SNAP25: variants seen among roughly 807,000 people sequenced by gnomAD.
SNAP25 encodes synaptosome associated protein 25.
A neutral mutation model predicts 28.7 loss-of-function variants in SNAP25; 3 were observed. The ratio of observed to expected loss-of-function variants is 0.10; its 90% confidence interval spans 0.05 to 0.27. The LOEUF (loss-of-function observed/expected upper bound fraction) is 0.27, where lower values mean the gene tolerates loss of function less well. Among genes scored for constraint, SNAP25 ranks in the 10% least tolerant of loss-of-function variants. SNAP25 has a pLI of 1.00. For missense variants in SNAP25, 117 were observed against 278.7 expected (o/e 0.42, Z 4.13); for synonymous variants, 61 against 88.1 (o/e 0.69, Z 1.72).
chr20:10,293,354 A>T lies in SNAP25; in HGVS notation c.281+76A>T. ...AAGCCTTGACAAGCTCATTCCTGCC[A>T]AGCTCATAGGCAGGATGAGCATGTG... On this transcript the variant is annotated intron_variant, in intron 5 of 7. Transcript: ENST00000254976. The surrounding 1 kb of genome is among the most constrained non-coding windows in gnomAD (Gnocchi z 5.6). The T allele has an allele frequency of 9.0e-7, 1 of 1,107,280 alleles. No individual in the cohort carries two copies. Among genetic ancestry groups the T allele is most frequent in the Non-Finnish European group, 1.4e-6 (1 of 723,242 alleles). The allele number at this position is 1,107,280 out of a possible 1,614,324, so 68.6% of individuals were successfully genotyped here. A position where few individuals can be genotyped will look rare whatever the true frequency, so the allele number is the denominator to read the frequency against.
intron 1 of SNAP25, among the ~76,000 whole-genome samples, chr20:10,223,777 C>T (rs1490474984): frequency 6.6e-6 from 1 of 152,154 alleles, no homozygotes. Flanking sequence ...ACAATAATAC[C>T]TACTCTTTCT....
chr20:10,302,733 T>C (rs1175295054), intron 7 of SNAP25, among the ~76,000 whole-genome samples: 1 of 151,322 alleles, frequency 6.6e-6, no homozygotes, highest in Non-Finnish European at 1.5e-5. Flanking sequence ...AGGGTGATCA[T>C]AGGGGCATTC....
chr20:10,300,835 T>G (rs543484860), intron 7 of SNAP25, among the ~76,000 whole-genome samples: 1 of 152,160 alleles, frequency 6.6e-6, no homozygotes, highest in Non-Finnish European at 1.5e-5. Flanking sequence ...TGATAAAGCT[T>G]TTAAAGCTGT....
intron 4 of SNAP25, among the ~76,000 whole-genome samples, chr20:10,285,640 A>C (rs926674431): frequency 6.6e-6 from 1 of 152,204 alleles, no homozygotes; most frequent in Non-Finnish European, 1.5e-5. Context: ...ATGTATTCAC[A>C]ACACAGGAAA....
At chr20:10,240,787 C>A (rs2063013228) in intron 1 of SNAP25, among the ~76,000 whole-genome samples, 1 of 152,186 alleles carries the variant, frequency 6.6e-6, no homozygotes, top group Admixed American at 6.5e-5. Context: ...ATGATTGCCT[C>A]AATCTACAAT....
chr20:10,299,228 T>C (rs1470912350), intron 6 of SNAP25, 40 bp from the exon 7 acceptor site: 1 of 1,607,354 alleles, frequency 6.2e-7, no homozygotes, highest in South Asian at 1.1e-5. Context: ...CAATATGTTT[T>C]CCACCCTCTG....
chr20:10,241,547 G>C (rs2063033531), intron 1 of SNAP25, among the ~76,000 whole-genome samples: 1 of 152,104 alleles, frequency 6.6e-6, no homozygotes, highest in South Asian at 2.1e-4. Flanking sequence ...AATATCAGAT[G>C]GGGATGGTGG....
chr20:10,272,903 TC>T (rs146431917), intron 1 of SNAP25, among the ~76,000 whole-genome samples: 42 of 152,336 alleles, frequency 2.8e-4, no homozygotes, highest in Non-Finnish European at 4.6e-4. Context: ...ACCTGTTATC[TC>T]CAAAGAAGTT....
At chr20:10,253,779 G>A (rs2063271045) in intron 1 of SNAP25, among the ~76,000 whole-genome samples, 1 of 152,226 alleles carries the variant, frequency 6.6e-6, no homozygotes, top group African/African-American at 2.4e-5. Context: ...CTGTCTGGCA[G>A]TTGTAGATGT....
chr20:10,244,370 GC>G (rs1274384356), intron 1 of SNAP25, among the ~76,000 whole-genome samples: 1 of 152,196 alleles, frequency 6.6e-6, no homozygotes, highest in Non-Finnish European at 1.5e-5. Context: ...GAAACACTTA[GC>G]ACTTACTATA....
intron 1 of SNAP25, among the ~76,000 whole-genome samples, chr20:10,224,086 A>G (rs1230820483): frequency 1.3e-5 from 2 of 152,072 alleles, no homozygotes; most frequent in Non-Finnish European, 2.9e-5. Context: ...CATTTCGCAG[A>G]TGAAATAACT....
intron 1 of SNAP25, among the ~76,000 whole-genome samples, chr20:10,263,947 T>C (rs989137862): frequency 6.6e-6 from 1 of 152,186 alleles, no homozygotes; most frequent in Non-Finnish European, 1.5e-5. Flanking sequence ...GAGGCTGCTG[T>C]GCTTTGGCTC....
intron 1 of SNAP25, among the ~76,000 whole-genome samples, chr20:10,244,885 C>G (rs919448171): frequency 1.3e-5 from 2 of 152,036 alleles, no homozygotes; most frequent in African/African-American, 4.8e-5. Context: ...CACGCGCCAC[C>G]AAGCCCAGGT....
chr20:10,243,476 C>T (rs2063070343), intron 1 of SNAP25, among the ~76,000 whole-genome samples: 1 of 152,086 alleles, frequency 6.6e-6, no homozygotes, highest in Non-Finnish European at 1.5e-5. Flanking sequence ...GTCATGTCTC[C>T]CCTGTTTTCT....
At chr20:10,256,485 A>G (rs991903832) in intron 1 of SNAP25, among the ~76,000 whole-genome samples, 9 of 152,182 alleles carry the variant, frequency 5.9e-5, no homozygotes, top group African/African-American at 2.2e-4. Flanking sequence ...AAAAAAATGA[A>G]CTTTTAACTC....
At chr20:10,291,262 A>T (rs2063992591) in intron 4 of SNAP25, among the ~76,000 whole-genome samples, 1 of 152,038 alleles carries the variant, frequency 6.6e-6, no homozygotes. Flanking sequence ...TTTTAGTAGA[A>T]ACATGGTTTT....
chr20:10,298,899 A>G (rs1354998193), intron 6 of SNAP25, among the ~76,000 whole-genome samples: 1 of 152,190 alleles, frequency 6.6e-6, no homozygotes, highest in African/African-American at 2.4e-5. Flanking sequence ...AGAAAGAAGA[A>G]TATCGTTTCT....
intron 1 of SNAP25, among the ~76,000 whole-genome samples, chr20:10,263,187 T>A (rs999330341): frequency 1.3e-5 from 2 of 151,602 alleles, no homozygotes; most frequent in African/African-American, 4.8e-5. Context: ...CCCGGCTAAT[T>A]TTTTTGTATT....
At chr20:10,291,321 C>T (rs1336521069) in intron 4 of SNAP25, among the ~76,000 whole-genome samples, 2 of 152,164 alleles carry the variant, frequency 1.3e-5, no homozygotes, top group Admixed American at 1.3e-4. Context: ...GGTGATCTGC[C>T]TGCCTTGGCC....
Sources: allele counts gnomAD v4.1 joint callset (sites outside exome capture counted in the v4.1 genomes callset), GRCh38; gene constraint gnomAD v4.1.1; non-coding constraint Gnocchi (gnomAD v3.1); transcripts MANE v1.5; gene names NCBI Gene and HGNC (gene_info 2026-07-23, HGNC 2026-07-21).